DIO1: variants seen among roughly 807,000 people sequenced by gnomAD.
The protein encoded by DIO1 is type I iodothyronine deiodinase.
DIO1 carries 17 observed loss-of-function variants against 25.9 expected under a neutral mutation model. The observed-to-expected ratio is 0.66, with a 90% CI of 0.45 to 0.98. The LOEUF (loss-of-function observed/expected upper bound fraction) is 0.98. Among genes scored for constraint, DIO1 ranks in the 50% least tolerant of loss-of-function variants. The pLI, the probability that DIO1 is intolerant of heterozygous loss-of-function variation, is 0.00. For missense variants in DIO1, 270 were observed against 310.4 expected (o/e 0.87, Z 0.98); for synonymous variants, 115 against 114.0 (o/e 1.01, Z -0.05).
chr1:53,902,861 G>A (rs1304907134), intron 1 of DIO1, among the ~76,000 whole-genome samples: 1 of 151,898 alleles, frequency 6.6e-6, no homozygotes, highest in Non-Finnish European at 1.5e-5. Flanking sequence ...GTTGTTTTTA[G>A]CACACCAGAG....
chr1:53,894,206 C>T lies in DIO1; in HGVS notation c.-5C>T, dbSNP rs1569680197. The stretch of plus-strand genomic sequence containing the variant: ...GAACTCAGAGCTTACTCTGGCTTTG[C>T]CGAGATGGGGCTGCCCCAGCCAGGG... On this transcript the variant is annotated 5_prime_UTR_variant, in exon 1 of 4. Transcript: ENST00000361921. The surrounding 1 kb of genome is among the most constrained non-coding windows in gnomAD (Gnocchi z 4.9). 1.9e-6 allele frequency: 3 copies of T among 1,609,342 alleles called. No individual in the cohort carries two copies. In the East Asian group the frequency reaches 6.7e-5, roughly 36 times the overall value.
intron 1 of DIO1, among the ~76,000 whole-genome samples, chr1:53,898,433 A>T (rs1651189779): frequency 6.6e-6 from 1 of 152,096 alleles, no homozygotes; most frequent in African/African-American, 2.4e-5. Flanking sequence ...AGAAGTAAAC[A>T]TGATCAGTTC....
chr1:53,907,743 C>G (rs879803849), intron 3 of DIO1, among the ~76,000 whole-genome samples: 2 of 151,364 alleles, frequency 1.3e-5, no homozygotes, highest in African/African-American at 2.4e-5. Flanking sequence ...GAAACCCTGT[C>G]TCTACTAAAA....
At chr1:53,898,265 A>C (rs1172653770) in intron 1 of DIO1, among the ~76,000 whole-genome samples, 1 of 152,158 alleles carries the variant, frequency 6.6e-6, no homozygotes, top group East Asian at 1.9e-4. Context: ...GAGAAGCAAC[A>C]TTCAGTTTGG....
In DIO1 at chr1:53,906,802, G is replaced by A. The variant is rs993228391; in HGVS notation, c.681+508G>A. Reference sequence around the variant, plus strand: ...CTCCCAAGTAGCTGGGACTACAGGCGCACACCACGCCCAGCTAATTTTTGT... The same window carrying A: ...CTCCCAAGTAGCTGGGACTACAGGCACACACCACGCCCAGCTAATTTTTGT... On this transcript the variant is annotated intron_variant, in intron 3 of 3. Transcript: ENST00000361921. 1.2e-4 allele frequency among the ~76,000 whole-genome samples: 18 copies of A among 152,016 alleles called. 1 individual carries two copies. The South Asian group carries it at 1.2e-3, about 11-fold the overall frequency.
intron 1 of DIO1, among the ~76,000 whole-genome samples, chr1:53,900,342 G>A (rs1651291117): frequency 6.6e-6 from 1 of 152,282 alleles, no homozygotes; most frequent in South Asian, 2.1e-4. Context: ...AGTGGCTCAC[G>A]CCTGTAATCC....
chr1:53,907,767 C>T (rs1651725120), intron 3 of DIO1, among the ~76,000 whole-genome samples: 1 of 151,260 alleles, frequency 6.6e-6, no homozygotes, highest in African/African-American at 2.4e-5. Context: ...CAAAATTAGC[C>T]AGGCGTGGTG....
In DIO1 at chr1:53,906,217, C is replaced by A; in HGVS notation, c.604C>A (p.Gln202Lys). The change falls in exon 3 of 4, where the codon CAG becomes AAG. Residue 202 changes from glutamine to lysine, a missense_variant. Physicochemically the swap from Gln to Lys is moderately conservative, Grantham distance 53. Coordinates refer to ENST00000361921, the MANE Select transcript of DIO1 (RefSeq NM_000792.7). ...PQCPVVVDTM[Q>K]NQSSQLYAAL... The stretch of plus-strand genomic sequence containing the variant: ...GTGCCCTGTGGTGGTGGACACCATG[C>A]AGAACCAGAGCAGCCAGCTCTACGC... 6.2e-7 allele frequency: 1 copy of A among 1,614,188 alleles called. No individual in the cohort carries two copies. The highest frequency in any genetic ancestry group is 8.5e-7 in the Non-Finnish European group (1 of 1,180,038).
intron 1 of DIO1, among the ~76,000 whole-genome samples, chr1:53,897,614 C>T (rs1057255352): frequency 2.6e-5 from 4 of 152,236 alleles, no homozygotes; most frequent in Non-Finnish European, 4.4e-5. Flanking sequence ...GCACTGTGAG[C>T]GGCTGAGTGG....
In DIO1 at chr1:53,894,397, C is replaced by T. The variant is rs745744201; in HGVS notation, c.187C>T (p.Pro63Ser). ...CCATTTCAGCCACGACAACTGGATA[C>T]CAACCTTTTTCAGCACCCAGTATTT... ...NPHFSHDNWI[P>S]TFFSTQYFWF... Residue 63 changes from proline to serine, a missense_variant, in exon 1 of 4, where the codon CCA (proline) becomes TCA (serine). Pro to Ser is a moderately conservative substitution (Grantham distance 74, BLOSUM62 -1). Transcript: ENST00000361921. The surrounding 1 kb of genome is among the most constrained non-coding windows in gnomAD (Gnocchi z 4.9). 1 of 1,614,220 alleles carries T rather than the reference C, an allele frequency of 6.2e-7. No individual in the cohort carries two copies. The highest frequency in any genetic ancestry group is 8.5e-7 in the Non-Finnish European group (1 of 1,180,046).
At chr1:53,904,878 C>T (rs1307848345) in intron 2 of DIO1, 69 bp downstream of exon 2, 3 of 1,530,792 alleles carry the variant, frequency 2.0e-6, no homozygotes, top group Admixed American at 1.9e-5. Context: ...TCCCCAGGCC[C>T]CATCTCAAGG....
chr1:53,899,989 G>A (rs1012854929), intron 1 of DIO1, among the ~76,000 whole-genome samples: 2 of 152,158 alleles, frequency 1.3e-5, no homozygotes, highest in African/African-American at 4.8e-5. Flanking sequence ...CCTGAAGCCT[G>A]GGCCTCCTTG....
intron 1 of DIO1, among the ~76,000 whole-genome samples, chr1:53,903,709 T>A (rs1462742829): frequency 6.6e-6 from 1 of 151,586 alleles, no homozygotes; most frequent in Non-Finnish European, 1.5e-5. Context: ...ATTAGCCAGG[T>A]GTGGTGGTGT....
Position 53,901,568 on chromosome 1 carries a change from C to T in DIO1, c.338-3098C>T, listed in dbSNP as rs1051479424. On this transcript the variant is annotated intron_variant, in intron 1 of 3. Coordinates refer to ENST00000361921, the MANE Select transcript of DIO1 (RefSeq NM_000792.7). Reference sequence around the variant, plus strand: ...ATCTATGTGGAAGGGTATAATTAGCCCAGCTGGGGTCACTGCCTGAGCCCT... The same window carrying T: ...ATCTATGTGGAAGGGTATAATTAGCTCAGCTGGGGTCACTGCCTGAGCCCT... 5.9e-5 allele frequency among the ~76,000 whole-genome samples: 9 copies of T among 152,178 alleles called. No individual in the cohort carries two copies. In the East Asian group the frequency reaches 1.7e-3, roughly 29 times the overall value.
intron 1 of DIO1, among the ~76,000 whole-genome samples, chr1:53,904,310 G>T (rs1480172537): frequency 6.6e-6 from 1 of 152,070 alleles, no homozygotes; most frequent in Non-Finnish European, 1.5e-5. Context: ...TAAAATGGGG[G>T]GAAAAAATGA....
chr1:53,899,922 G>T (rs1459342745), intron 1 of DIO1, among the ~76,000 whole-genome samples: 4 of 152,174 alleles, frequency 2.6e-5, no homozygotes, highest in African/African-American at 9.6e-5. Context: ...TGACTCTCTG[G>T]GGTCATTGGA....
intron 3 of DIO1, among the ~76,000 whole-genome samples, chr1:53,907,405 A>C (rs1255094799): frequency 6.6e-6 from 1 of 151,998 alleles, no homozygotes; most frequent in African/African-American, 2.4e-5. Flanking sequence ...CCACAGATCA[A>C]GATCAAGCTG....
chr1:53,897,621 G>A (rs1200126479), intron 1 of DIO1, among the ~76,000 whole-genome samples: 1 of 152,240 alleles, frequency 6.6e-6, no homozygotes, highest in African/African-American at 2.4e-5. Flanking sequence ...GAGCGGCTGA[G>A]TGGGAGGATT....
At chr1:53,896,215 T>C (rs1157448089) in intron 1 of DIO1, among the ~76,000 whole-genome samples, 10 of 71,294 alleles carry the variant, frequency 1.4e-4, no homozygotes, top group African/African-American at 5.7e-4. Context: ...TTTCTCTTTT[T>C]TTTTTTTTTT....
Sources: allele counts gnomAD v4.1 joint callset (sites outside exome capture counted in the v4.1 genomes callset), GRCh38; gene constraint gnomAD v4.1.1; non-coding constraint Gnocchi (gnomAD v3.1); transcripts MANE v1.5; gene names NCBI Gene and HGNC (gene_info 2026-07-23, HGNC 2026-07-21).